Variants in TRMT11 observed in about 807,000 individuals in gnomAD.
TRMT11 encodes the protein tRNA (guanine(10)-N(2))-methyltransferase TRMT11.
Under a neutral mutation model 62.8 loss-of-function variants are expected in TRMT11, and 53 were observed. That is an observed-to-expected ratio of 0.84 (90% CI 0.68 to 1.06). The LOEUF (loss-of-function observed/expected upper bound fraction) is 1.06. Among genes scored for constraint, TRMT11 ranks in the 50% least tolerant of loss-of-function variants. The pLI, the probability that TRMT11 is intolerant of heterozygous loss-of-function variation, is 0.00. For synonymous variants in TRMT11, 188 were observed against 190.3 expected (o/e 0.99, Z 0.10); for missense variants, 556 against 553.4 (o/e 1.00, Z -0.05).
rs548541410 is a variant in TRMT11 at position 125,988,217 on chromosome 6, A to T, written c.72+1595A>T. 2.3e-4 allele frequency among the ~76,000 whole-genome samples: 35 copies of T among 152,340 alleles called. No individual in the cohort carries two copies. In the South Asian group the frequency reaches 7.1e-3, roughly 31 times the overall value. ...AGTGTCATTGATAGTCTCAATTAGA[A>T]GATAATTAATTGGTGATTTTTGCTA... On this transcript the variant is annotated intron_variant, in intron 1 of 12. Coordinates refer to ENST00000334379, the MANE Select transcript of TRMT11 (RefSeq NM_001031712.3).
intron 17 of TRMT11, among the ~76,000 whole-genome samples, chr6:126,093,585 G>GTGTATATATATA (rs1313520779): frequency 2.6e-4 from 12 of 46,688 alleles, no homozygotes; most frequent in South Asian, 9.7e-4. Flanking sequence ...GGATATGTAT[G>GTGTATATATATA]TATATATATA....
chr6:126,245,331 A>T, the TRMT11 span, among the ~76,000 whole-genome samples: 1 of 152,228 alleles, frequency 6.6e-6, no homozygotes, highest in East Asian at 1.9e-4. Flanking sequence ...TGCATATGGT[A>T]CATATGGTGA....
chr6:126,041,222 G>A (rs1042983098), downstream of TRMT11, among the ~76,000 whole-genome samples: 1 of 152,094 alleles, frequency 6.6e-6, no homozygotes, highest in Non-Finnish European at 1.5e-5. Flanking sequence ...GTTTTGTAGG[G>A]GAAAGTAGAG....
chr6:126,202,472 C>T (rs552928050), downstream of TRMT11, among the ~76,000 whole-genome samples: 1 of 152,200 alleles, frequency 6.6e-6, no homozygotes, highest in East Asian at 1.9e-4. Flanking sequence ...TTCTTTTCCC[C>T]CTGTAGCTAA....
chr6:126,018,244 A>G (rs1234903985), intron 11 of TRMT11, among the ~76,000 whole-genome samples: 1 of 152,216 alleles, frequency 6.6e-6, no homozygotes, highest in Non-Finnish European at 1.5e-5. Flanking sequence ...CAGTGCCTAT[A>G]ATGAGTGAAG....
At chr6:126,220,738 T>C in the TRMT11 span, among the ~76,000 whole-genome samples, 11 of 151,868 alleles carry the variant, frequency 7.2e-5, no homozygotes, top group Middle Eastern at 3.4e-3. Context: ...AAATTTTTCC[T>C]TTCAAATCTG....
intron 17 of TRMT11, among the ~76,000 whole-genome samples, chr6:126,104,018 A>G (rs553482473): frequency 6.6e-6 from 1 of 152,328 alleles, no homozygotes; most frequent in Non-Finnish European, 1.5e-5. Flanking sequence ...CAAAGATTTG[A>G]GACAATTATA....
At chr6:126,245,767 G>A in the TRMT11 span, among the ~76,000 whole-genome samples, 2 of 152,122 alleles carry the variant, frequency 1.3e-5, no homozygotes, top group African/African-American at 4.8e-5. Context: ...GTTTGGTGGT[G>A]GGTAGCTAGT....
chr6:126,259,122 A>G, the TRMT11 span, among the ~76,000 whole-genome samples: 1 of 152,232 alleles, frequency 6.6e-6, no homozygotes, highest in African/African-American at 2.4e-5. Context: ...AATGGCCTCC[A>G]GCTCCATCTA....
intron 17 of TRMT11, among the ~76,000 whole-genome samples, chr6:126,096,130 A>C (rs1777337005): frequency 6.6e-6 from 1 of 152,182 alleles, no homozygotes; most frequent in Non-Finnish European, 1.5e-5. Flanking sequence ...CAGTAGGAGA[A>C]TTCTGTTTTT....
intron 21 of TRMT11, among the ~76,000 whole-genome samples, chr6:126,121,119 T>G (rs1777644970): frequency 6.6e-6 from 1 of 152,148 alleles, no homozygotes; most frequent in South Asian, 2.1e-4. Context: ...ATATGGTGTT[T>G]TCATATTAAC....
chr6:126,020,071 C>T (rs952107046), intron 11 of TRMT11, among the ~76,000 whole-genome samples: 3 of 152,070 alleles, frequency 2.0e-5, no homozygotes, highest in Non-Finnish European at 2.9e-5. Flanking sequence ...AGGGAGAGCT[C>T]GTTGAAGGTC....
At chr6:126,101,323 T>C (rs951339546) in intron 17 of TRMT11, among the ~76,000 whole-genome samples, 3 of 152,170 alleles carry the variant, frequency 2.0e-5, no homozygotes, top group Non-Finnish European at 4.4e-5. Context: ...AAATTAATTA[T>C]ATATATTCCA....
intron 17 of TRMT11, among the ~76,000 whole-genome samples, chr6:126,058,749 C>CT (rs1776442667): frequency 6.6e-6 from 1 of 152,184 alleles, no homozygotes; most frequent in Admixed American, 6.5e-5. Flanking sequence ...GATATCTCAA[C>CT]TGATCCCACA....
At chr6:126,271,325 C>A in the TRMT11 span, among the ~76,000 whole-genome samples, 1 of 129,504 alleles carries the variant, frequency 7.7e-6, no homozygotes, top group Non-Finnish European at 1.5e-5. Flanking sequence ...AATGGTGCCA[C>A]TGCACTGTAG....
intron 17 of TRMT11, among the ~76,000 whole-genome samples, chr6:126,111,721 C>G (rs1198485957): frequency 6.6e-6 from 1 of 152,096 alleles, no homozygotes; most frequent in Non-Finnish European, 1.5e-5. Flanking sequence ...GTAGGGCTTT[C>G]CCAGTAGAGC....
chr6:126,198,473 T>A (rs1051706748), intron 1 of TRMT11, among the ~76,000 whole-genome samples: 2 of 152,210 alleles, frequency 1.3e-5, no homozygotes, highest in Non-Finnish European at 2.9e-5. Context: ...AGATAAATCT[T>A]CTGATGGATT....
At chr6:126,094,536 C>A (rs543796596) in intron 17 of TRMT11, among the ~76,000 whole-genome samples, 1 of 152,294 alleles carries the variant, frequency 6.6e-6, no homozygotes, top group South Asian at 2.1e-4. Flanking sequence ...TTTCGTCAGA[C>A]TTTCTGCCCA....
At chr6:126,171,124 T>G (rs961990823) in intron 21 of TRMT11, among the ~76,000 whole-genome samples, 1 of 152,204 alleles carries the variant, frequency 6.6e-6, no homozygotes. Context: ...TCGAAGTATT[T>G]GGTTTCATCT....
Sources: gnomAD v4.1 joint callset for allele counts (sites outside exome capture counted in the v4.1 genomes callset) on GRCh38, gnomAD v4.1.1 for gene constraint, MANE v1.5 for transcripts, NCBI Gene and HGNC (gene_info 2026-07-23, HGNC 2026-07-21) for gene names.